Variants in KITLG observed in about 807,000 individuals in gnomAD.
KITLG encodes the protein KIT ligand.
In KITLG, 13 loss-of-function variants were observed where a neutral mutation model predicts 34.1. The ratio of observed to expected loss-of-function variants is 0.38; its 90% CI spans 0.25 to 0.61. The LOEUF is 0.61. KITLG is among the 20% of genes least tolerant of loss of function. KITLG has a pLI of 0.60. For missense variants in KITLG, 292 were observed against 318.9 expected, an observed-to-expected ratio of 0.92 and a Z score of 0.64; for synonymous variants, 110 against 104.0, an observed-to-expected ratio of 1.06 and a Z score of -0.35.
At chr12:88,504,371 A>T (rs1868970142) in intron 9 of KITLG, among the ~76,000 whole-genome samples, 1 of 152,190 alleles carries the variant, frequency 6.6e-6, no homozygotes, top group African/African-American at 2.4e-5. Context: ...CATCTGACAA[A>T]GGACTAATAT....
intron 1 of KITLG, among the ~76,000 whole-genome samples, chr12:88,560,509 GC>G (rs943672362): frequency 2.6e-5 from 4 of 152,142 alleles, no homozygotes; most frequent in African/African-American, 9.7e-5. Context: ...TTGTGAAACT[GC>G]CCCCTGAGCT....
intron 1 of KITLG, among the ~76,000 whole-genome samples, chr12:88,561,410 C>T (rs1392798294): frequency 6.6e-6 from 1 of 152,144 alleles, no homozygotes; most frequent in African/African-American, 2.4e-5. Flanking sequence ...CCTATTTCCA[C>T]ATCTGATCAT....
At chr12:88,563,371 C>T (rs758610539) in intron 1 of KITLG, among the ~76,000 whole-genome samples, 2 of 152,092 alleles carry the variant, frequency 1.3e-5, no homozygotes, top group African/African-American at 2.4e-5. Context: ...CTACTTTGAC[C>T]AAAACAAAAC....
chr12:88,503,217 C>T (rs1868933846), intron 9 of KITLG, among the ~76,000 whole-genome samples: 1 of 152,152 alleles, frequency 6.6e-6, no homozygotes, highest in Admixed American at 6.6e-5. Flanking sequence ...ATAATTATAT[C>T]ATGTTATCTT....
intron 3 of KITLG, among the ~76,000 whole-genome samples, chr12:88,529,789 T>C (rs1424094939): frequency 1.3e-5 from 2 of 152,106 alleles, no homozygotes; most frequent in Admixed American, 6.6e-5. Flanking sequence ...AACGAACATG[T>C]CAAAATGAAG....
rs375388664 is a variant in KITLG at position 88,505,246 on chromosome 12, A to G, written c.783-11T>C. ...TTCTCTTGCAACATACTGAAAAACA[A>G]TAAGAAAAAATGCTTATTTGCTCTT... On this transcript the variant is annotated splice_polypyrimidine_tract_variant and intron_variant, in intron 8 of 9. Coordinates refer to ENST00000644744, the MANE Select transcript of KITLG (RefSeq NM_000899.5). The G allele has an allele frequency of 4.4e-6, 7 of 1,603,590 alleles. No homozygotes were observed. The highest frequency in any genetic ancestry group is 1.7e-4 in the Middle Eastern group (1 of 6,060).
rs11428619 is a variant in KITLG at position 88,532,513 on chromosome 12, CAAAA to C, written c.130-14_130-11del. On this transcript the variant is annotated splice_polypyrimidine_tract_variant and intron_variant, in intron 2 of 9. Transcript: ENST00000644744. ...TTGGAAGATTTGCCACCTACAGAGA[CAAAA>C]AAAAAAATTCCATAAGAAAATTCTT... is the stretch of plus-strand genomic sequence containing the variant. 7.6e-6 allele frequency: 10 copies of C among 1,308,136 alleles called. No individual in the cohort carries two copies. The highest frequency in any genetic ancestry group is 1.6e-5 in the African/African-American group (1 of 63,874). The allele number at this position is 1,308,136 out of a possible 1,614,324, so 81.0% of individuals were successfully genotyped here.
intron 2 of KITLG, among the ~76,000 whole-genome samples, chr12:88,532,906 G>C (rs940616585): frequency 1.3e-5 from 2 of 152,100 alleles, no homozygotes; most frequent in African/African-American, 2.4e-5. Context: ...GGACCTCAAA[G>C]TGATGTGCCA....
At chr12:88,508,117 G>A (rs1382835863) in intron 6 of KITLG, among the ~76,000 whole-genome samples, 1 of 151,826 alleles carries the variant, frequency 6.6e-6, no homozygotes, top group African/African-American at 2.4e-5. Context: ...AACCCGGGAG[G>A]CGGAAGTCGT....
intron 1 of KITLG, 55 bp from the exon 2 acceptor site, chr12:88,545,920 T>C: frequency 9.4e-7 from 1 of 1,068,582 alleles, no homozygotes; most frequent in South Asian, 1.3e-5. Context: ...CTGTAATCAT[T>C]CAAACTTTTA....
intron 1 of KITLG, among the ~76,000 whole-genome samples, chr12:88,556,763 T>C (rs1028407494): frequency 2.0e-5 from 3 of 152,066 alleles, no homozygotes; most frequent in Non-Finnish European, 2.9e-5. Flanking sequence ...GAACTATCTG[T>C]GTAGGAGATG....
chr12:88,536,465 C>T (rs951286142), intron 2 of KITLG, among the ~76,000 whole-genome samples: 4 of 152,098 alleles, frequency 2.6e-5, no homozygotes, highest in Admixed American at 2.6e-4. Flanking sequence ...TACCATTTGA[C>T]CCAGCGATCC....
At chr12:88,549,857 A>G (rs1002034108) in intron 1 of KITLG, among the ~76,000 whole-genome samples, 3 of 152,190 alleles carry the variant, frequency 2.0e-5, no homozygotes, top group Non-Finnish European at 4.4e-5. Context: ...GATCTGACAG[A>G]AGAGTGAGAA....
rs148261615 is a variant in KITLG, at chr12:88,526,659, A to C, written c.192+5782T>G. ...AACTGCTACTCTGAGGAGTGCGATG[A>C]GAAGAGTTTCCAGTAGAACAATTTG... On this transcript the variant is annotated intron_variant, in intron 3 of 9. Transcript: ENST00000644744. 3.6e-4 allele frequency among the ~76,000 whole-genome samples: 55 copies of C among 152,312 alleles called. No homozygotes were observed. In the East Asian group the frequency reaches 0.01, roughly 29 times the overall value.
In KITLG at chr12:88,493,402, CATT is replaced by C. The variant is rs1868481371; in HGVS notation, c.*3814_*3816del. ...ACACCTTGTTATAAAATGAAAGTACCATTATTTTATTTTTACAAACAAAGGCAT... is the reference window on the plus strand; with the variant it reads ...ACACCTTGTTATAAAATGAAAGTACCATTTTATTTTTACAAACAAAGGCAT... On this transcript the variant is annotated 3_prime_UTR_variant, in exon 10 of 10. Transcript: ENST00000644744. 2.0e-5 allele frequency: 3 copies of C among 151,694 alleles called. No individual in the cohort carries two copies. In the South Asian group the frequency reaches 6.3e-4, roughly 32 times the overall value. The allele number at this position is 151,694 out of a possible 1,614,324, so 9.4% of individuals were successfully genotyped here.
chr12:88,506,203 G>C (rs540682012), intron 8 of KITLG, 108 bp downstream of exon 8: 2 of 790,146 alleles, frequency 2.5e-6, no homozygotes, highest in Admixed American at 3.5e-5. Context: ...CTGGTTAGGA[G>C]CTACTGTCAT....
intron 8 of KITLG, 22 bp from the exon 9 acceptor site, chr12:88,505,257 T>G: frequency 6.3e-7 from 1 of 1,591,220 alleles, no homozygotes; most frequent in Non-Finnish European, 8.6e-7. Flanking sequence ...TAAGAAAAAA[T>G]GCTTATTTGC....
chr12:88,547,775 G>T (rs1001702347), intron 1 of KITLG, among the ~76,000 whole-genome samples: 1 of 152,130 alleles, frequency 6.6e-6, no homozygotes. Flanking sequence ...TTCTGTTACT[G>T]GTCTTCGCAA....
chr12:88,511,206 G>A (rs1291826142), intron 6 of KITLG, among the ~76,000 whole-genome samples: 1 of 152,180 alleles, frequency 6.6e-6, no homozygotes, highest in Non-Finnish European at 1.5e-5. Flanking sequence ...AAAATTAGTA[G>A]GAAAGACTTT....
Sources: allele counts gnomAD v4.1 joint callset (sites outside exome capture counted in the v4.1 genomes callset), GRCh38; gene constraint gnomAD v4.1.1; transcripts MANE v1.5; gene names NCBI Gene and HGNC (gene_info 2026-07-23, HGNC 2026-07-21).